The following NEUROD1 variants were observed in gnomAD, a reference collection of about 807,000 sequenced individuals.
The protein encoded by NEUROD1 is neurogenic differentiation factor 1.
NEUROD1 carries 9 observed loss-of-function variants against 21.8 expected under a neutral mutation model. That is an observed-to-expected ratio of 0.41 (90% CI 0.25 to 0.72). The LOEUF is 0.72. NEUROD1 is among the 30% of genes least tolerant of loss of function. NEUROD1 has a pLI of 0.31. For missense variants in NEUROD1, 434 were observed against 468.8 expected, an observed-to-expected ratio of 0.93 and a Z score of 0.69; for synonymous variants, 199 against 186.2, an observed-to-expected ratio of 1.07 and a Z score of -0.56.
At chr2:181,672,430 G>A (rs1167985641), downstream of NEUROD1, among the ~76,000 whole-genome samples, 1 of 152,214 alleles carries the variant, frequency 6.6e-6, no homozygotes. Flanking sequence ...AATATTTATT[G>A]AGGATCCTCT....
At chr2:181,680,147 A>T (rs1352344691) in intron 1 of NEUROD1, among the ~76,000 whole-genome samples, 1 of 152,222 alleles carries the variant, frequency 6.6e-6, no homozygotes, top group Non-Finnish European at 1.5e-5. Flanking sequence ...CAGCACTAGC[A>T]GATAATCATA....
In NEUROD1 at chr2:181,676,872, A is replaced by C. The variant is rs540266671; in HGVS notation, c.*918T>G. On this transcript the variant is annotated 3_prime_UTR_variant, in exon 2 of 2. Transcript: ENST00000295108. ...ATCATGGAATGCAAAGGAGTAAAAG[A>C]CTAAAAAGTAACAGTGCAAATTGTA... 3 of 152,722 alleles carry C rather than the reference A, an allele frequency of 2.0e-5. No individual in the cohort carries two copies. Among genetic ancestry groups the C allele is most frequent in the South Asian group, 2.1e-4 (1 of 4,832 alleles). The allele number at this position is 152,722 out of a possible 1,614,324, so 9.5% of individuals were successfully genotyped here. A position where few individuals can be genotyped will look rare whatever the true frequency, so the allele number is the denominator to read the frequency against.
chr2:181,675,140 G>T (rs1688550226), downstream of NEUROD1, among the ~76,000 whole-genome samples: 1 of 152,212 alleles, frequency 6.6e-6, no homozygotes, highest in Non-Finnish European at 1.5e-5. Flanking sequence ...GCAACAGCTT[G>T]ATTCCAAAAT....
At position 181,678,246 on chromosome 2, in the gene NEUROD1, G is replaced by C. The variant is rs763714482; in HGVS notation, c.615C>G (p.Pro205=). The C allele has an allele frequency of 9.3e-6, 15 of 1,614,172 alleles. No homozygotes were observed. Among genetic ancestry groups the C allele is most frequent in the East Asian group, 8.9e-5 (4 of 44,878 alleles). Residue 205 remains proline, a synonymous_variant, in exon 2 of 2, where the codon CCC becomes CCG. Transcript: ENST00000295108. This position sits in a 1 kb window ranked among gnomAD's most constrained non-coding sequence, Gnocchi z 5.5. ...AGGAAGCGCTGGCCGTCGGCAGGTGGGGGGGCATGTCCTGGTTCTGCTCAG... is the reference window on the plus strand; with the variant it reads ...AGGAAGCGCTGGCCGTCGGCAGGTGCGGGGGCATGTCCTGGTTCTGCTCAG... ...FLPEQNQDMP[P]HLPTASASFP...
chr2:181,679,372 A>C (rs1688656742), intron 1 of NEUROD1, among the ~76,000 whole-genome samples: 2 of 152,216 alleles, frequency 1.3e-5, no homozygotes, highest in South Asian at 4.1e-4. Flanking sequence ...GTAATTTACT[A>C]ATACTGGCAG....
downstream of NEUROD1, among the ~76,000 whole-genome samples, chr2:181,670,310 A>C (rs932525562): frequency 2.6e-5 from 4 of 152,200 alleles, no homozygotes; most frequent in Admixed American, 2.6e-4. Flanking sequence ...ATTCACATGA[A>C]TAATAAACAA....
chr2:181,678,645 C>T lies in NEUROD1; in HGVS notation c.216G>A (p.Glu72=), dbSNP rs2105595645. ...GCTTTTGATCGTCATCCTCCTCTTC[C>T]TCTTCTTCCTCCTCTTCCAGGTCCT... ...EDEDLEEEEE[E]EEEDDDQKPK... is the part of the protein sequence containing the mutation. The change falls in exon 2 of 2, where the codon GAG becomes GAA. Residue 72 remains glutamate, a synonymous_variant. Transcript: ENST00000295108. The surrounding 1 kb of genome is among the most constrained non-coding windows in gnomAD (Gnocchi z 5.5). 6.2e-7 allele frequency: 1 copy of T among 1,613,650 alleles called. No individual in the cohort carries two copies.
At chr2:181,668,743 A>C (rs1688454828), downstream of NEUROD1, among the ~76,000 whole-genome samples, 2 of 152,152 alleles carry the variant, frequency 1.3e-5, no homozygotes, top group Admixed American at 1.3e-4. Flanking sequence ...CCATTGAGAA[A>C]ATGCTGAAAA....
At chr2:181,672,210 A>G (rs186405249), downstream of NEUROD1, among the ~76,000 whole-genome samples, 29 of 152,344 alleles carry the variant, frequency 1.9e-4, no homozygotes, top group Admixed American at 1.4e-3. Context: ...ATGATCCTCA[A>G]AAAGGAAGTG....
Position 181,678,204 on chromosome 2 carries a change from G to A in NEUROD1, c.657C>T (p.Tyr219=). The A allele has an allele frequency of 6.2e-7, 1 of 1,614,198 alleles. No homozygotes were observed. The highest frequency in any genetic ancestry group is 1.3e-5 in the African/African-American group (1 of 75,054). The stretch of plus-strand genomic sequence containing the variant: ...TGGGCAGCCCAGGCGACTGGTAGGA[G>A]TAGGGGTGTACAGGGAAGGAAGCGC... ...TASASFPVHP[Y]SYQSPGLPSP... The change falls in exon 2 of 2, where the codon TAC becomes TAT. Residue 219 remains tyrosine, a synonymous_variant. Transcript: ENST00000295108. The surrounding 1 kb of genome is among the most constrained non-coding windows in gnomAD (Gnocchi z 5.5).
At chr2:181,673,478 T>C (rs1688525300), downstream of NEUROD1, 1 of 152,236 alleles carries the variant, frequency 6.6e-6, no homozygotes, top group Non-Finnish European at 1.5e-5. Context: ...TTTGCAATGG[T>C]AACAACAAGA....
Position 181,678,246 on chromosome 2 carries a change from G to A in NEUROD1, c.615C>T (p.Pro205=), listed in dbSNP as rs763714482. The change falls in exon 2 of 2, where the codon CCC becomes CCT. Residue 205 remains proline (P), a synonymous_variant. Transcript: ENST00000295108. The surrounding 1 kb of genome is among the most constrained non-coding windows in gnomAD (Gnocchi z 5.5). ...FLPEQNQDMP[P]HLPTASASFP... is the part of the protein sequence containing the mutation. The stretch of plus-strand genomic sequence containing the variant: ...AGGAAGCGCTGGCCGTCGGCAGGTG[G>A]GGGGGCATGTCCTGGTTCTGCTCAG... The A allele has an allele frequency of 1.9e-6, 3 of 1,614,054 alleles. No homozygotes were observed. The highest frequency in any genetic ancestry group is 1.7e-5 in the Admixed American group (1 of 60,016).
exon 2 of NEUROD1, among the ~76,000 whole-genome samples, chr2:181,671,377 A>G (rs1359788811): frequency 6.6e-6 from 1 of 152,164 alleles, no homozygotes; most frequent in Non-Finnish European, 1.5e-5. Context: ...GTATTTAGGC[A>G]CTGGCTAGAA....
At position 181,678,306 on chromosome 2, in the gene NEUROD1, C is replaced by A. The variant is rs538415264; in HGVS notation, c.555G>T (p.Ala185=). 5.0e-6 allele frequency: 8 copies of A among 1,614,036 alleles called. No individual in the cohort carries two copies. The highest frequency in any genetic ancestry group is 1.6e-4 in the Middle Eastern group (1 of 6,062). The part of the protein sequence containing the change: ...GLSQPTTNLV[A]GCLQLNPRTF... ...TCCGAGGATTGAGTTGCAGGCAGCC[C>A]GCAACCAGGTTGGTGGTGGGTTGGG... is the stretch of plus-strand genomic sequence containing the variant. The change falls in exon 2 of 2, where the codon GCG becomes GCT. Residue 185 remains alanine, a synonymous_variant. Transcript: ENST00000295108. This position sits in a 1 kb window ranked among gnomAD's most constrained non-coding sequence, Gnocchi z 5.5.
chr2:181,670,955 A>G (rs910133414), exon 2 of NEUROD1, among the ~76,000 whole-genome samples: 6 of 151,914 alleles, frequency 3.9e-5, no homozygotes, highest in African/African-American at 1.5e-4. Flanking sequence ...GAGGTTCTGG[A>G]TGGACATAAA....
At chr2:181,679,358 T>C (rs988183575) in intron 1 of NEUROD1, among the ~76,000 whole-genome samples, 4 of 152,142 alleles carry the variant, frequency 2.6e-5, no homozygotes, top group Admixed American at 2.6e-4. Flanking sequence ...TGAACAGCCA[T>C]TGCGTAATTT....
At chr2:181,679,636 G>A (rs1032075400) in intron 1 of NEUROD1, among the ~76,000 whole-genome samples, 1 of 152,248 alleles carries the variant, frequency 6.6e-6, no homozygotes, top group Non-Finnish European at 1.5e-5. Flanking sequence ...CCACGCGCCG[G>A]GGATCAGGTG....
rs566786889 is a variant in NEUROD1, at chr2:181,677,652, A to G, written c.*138T>C. 4.0e-6 allele frequency: 6 copies of G among 1,498,462 alleles called. No individual in the cohort carries two copies. In the East Asian group the frequency reaches 1.4e-4, roughly 34 times the overall value. The allele number at this position is 1,498,462 out of a possible 1,614,324, so 92.8% of individuals were successfully genotyped here. ...GTTTCTTCCAAAGGCAGTAATGACA[A>G]TAAATACATATATCACTTGAAGCTT... On this transcript the variant is annotated 3_prime_UTR_variant, in exon 2 of 2. Transcript: ENST00000295108.
Position 181,678,064 on chromosome 2 carries a change from C to T in NEUROD1, c.797G>A (p.Ser266Asn). The T allele has an allele frequency of 6.2e-7, 1 of 1,614,160 alleles. No individual in the cohort carries two copies. ...GCTGAGGGGTCCATCAAAGGAAGGG[C>T]TGGTGCAATCAGTCAGAGGGCTTTC... Reference protein sequence around the residue: ...FFESPLTDCTSPSFDGPLSPP... With the variant: ...FFESPLTDCTNPSFDGPLSPP... Residue 266 changes from serine to asparagine, a missense_variant, in exon 2 of 2, where the codon AGC becomes AAC. Transcript: ENST00000295108. This position sits in a 1 kb window ranked among gnomAD's most constrained non-coding sequence, Gnocchi z 5.5.
Sources: allele counts gnomAD v4.1 joint callset (sites outside exome capture counted in the v4.1 genomes callset), GRCh38; gene constraint gnomAD v4.1.1; non-coding constraint Gnocchi (gnomAD v3.1); transcripts MANE v1.5; gene names NCBI Gene and HGNC (gene_info 2026-07-23, HGNC 2026-07-21).